Variants in ELP1 observed in about 807,000 individuals in gnomAD.
ELP1 encodes elongator complex protein 1.
A neutral mutation model predicts 183.2 loss-of-function variants in ELP1; 131 were observed. That is an observed-to-expected ratio of 0.72 (90% CI 0.62 to 0.83). The LOEUF is 0.83. ELP1 is among the 40% of genes least tolerant of loss of function. The pLI is 0.00. For missense variants in ELP1, 1,550 were observed against 1,594.9 expected (o/e 0.97, Z 0.48); for synonymous variants, 555 against 569.0 (o/e 0.98, Z 0.35).
Position 108,898,766 on chromosome 9 carries a change from A to AT in ELP1, c.2205-18_2205-17insA. Reference sequence around the variant, plus strand: ...AACATAAGTCTGTGAGAAGACAGAGAAAGAATAGAAAAGATATTCACAAAA... The same window carrying AT: ...AACATAAGTCTGTGAGAAGACAGAGATAAGAATAGAAAAGATATTCACAAAA... On this transcript the variant is annotated splice_polypyrimidine_tract_variant and intron_variant, in intron 20 of 36. Coordinates refer to ENST00000374647, the MANE Select transcript of ELP1 (RefSeq NM_003640.5). 6.4e-7 allele frequency: 1 copy of AT among 1,556,590 alleles called. No homozygotes were observed. The highest frequency in any genetic ancestry group is 8.8e-7 in the Non-Finnish European group (1 of 1,130,390).
intron 18 of ELP1, 60 bp from the exon 19 acceptor site, chr9:108,900,435 G>T: frequency 1.7e-6 from 2 of 1,185,750 alleles, no homozygotes; most frequent in South Asian, 1.2e-5. Context: ...TCCATTAACT[G>T]CAATTGAAAC....
intron 33 of ELP1, 105 bp from the exon 34 acceptor site, chr9:108,878,855 C>T (rs1827803903): frequency 2.5e-6 from 3 of 1,177,752 alleles, no homozygotes; most frequent in Non-Finnish European, 3.8e-6. Context: ...TGACCCCACA[C>T]AACTTCACAG....
Position 108,869,028 on chromosome 9 carries a change from G to T in ELP1, c.*87C>A. ...ATTTTACTCTTTCCAGTTCTCAATA[G>T]CCAGCCCTCAAAGAGCAAGGGGTGG... On this transcript the variant is annotated 3_prime_UTR_variant, in exon 37 of 37. Coordinates refer to ENST00000374647, the MANE Select transcript of ELP1 (RefSeq NM_003640.5). The T allele has an allele frequency of 1.8e-6, 2 of 1,130,580 alleles. No individual in the cohort carries two copies. The highest frequency in any genetic ancestry group is 2.7e-6 in the Non-Finnish European group (2 of 738,568). 70.0% of individuals were successfully genotyped at this position (1,130,580 alleles called of 1,614,324 possible). A position where few individuals can be genotyped will look rare whatever the true frequency, so the allele number is the denominator to read the frequency against.
chr9:108,891,842 G>C (rs1044663823), intron 27 of ELP1, among the ~76,000 whole-genome samples: 4 of 152,134 alleles, frequency 2.6e-5, no homozygotes, highest in African/African-American at 7.2e-5. Flanking sequence ...ATGGCTGTCA[G>C]GAGAATAAAC....
intron 5 of ELP1, among the ~76,000 whole-genome samples, chr9:108,924,288 A>G (rs1192778800): frequency 6.6e-6 from 1 of 152,216 alleles, no homozygotes; most frequent in Non-Finnish European, 1.5e-5. Context: ...AACACAGATC[A>G]TACAGCCTGC....
chr9:108,881,852 A>T, intron 30 of ELP1, 87 bp from the exon 31 acceptor site: 2 of 845,116 alleles, frequency 2.4e-6, no homozygotes, highest in Non-Finnish European at 4.0e-6. Context: ...GATTACTTTC[A>T]GAGGTAATCA....
In ELP1 at chr9:108,893,944, A is replaced by G. The variant is rs762459906; in HGVS notation, c.2859T>C (p.Cys953=). The change falls in exon 26 of 37, where the codon TGT becomes TGC. Residue 953 remains cysteine (C), a splice_region_variant and synonymous_variant. Coordinates refer to ENST00000374647, the MANE Select transcript of ELP1 (RefSeq NM_003640.5). ...AAACATACTAATCCCCACACTTACC[A>G]CATTTGCTGAGGTGGCCAATGGCTT... ...YEKAIGHLSK[C]GPEYFPECLN... is the part of the protein sequence containing the mutation. The G allele has an allele frequency of 6.2e-7, 1 of 1,613,728 alleles. No individual in the cohort carries two copies. Among genetic ancestry groups the G allele is most frequent in the East Asian group, 2.2e-5 (1 of 44,822 alleles).
At chr9:108,889,172 G>C (rs113615118) in intron 29 of ELP1, among the ~76,000 whole-genome samples, 160 bp downstream of exon 29, 20 of 152,190 alleles carry the variant, frequency 1.3e-4, no homozygotes, top group African/African-American at 4.8e-4. Flanking sequence ...ACTAAATTTA[G>C]ATTTCCAAGT....
intron 20 of ELP1, 133 bp downstream of exon 20, chr9:108,899,683 AGCCTCT>A: frequency 2.2e-5 from 14 of 645,896 alleles, no homozygotes; most frequent in African/African-American, 7.5e-5. Flanking sequence ...AAAAAAAAAG[AGCCTCT>A]AAGAATCTGA....
At chr9:108,915,233 G>GT (rs1380702983) in intron 10 of ELP1, among the ~76,000 whole-genome samples, 1 of 152,162 alleles carries the variant, frequency 6.6e-6, no homozygotes, top group African/African-American at 2.4e-5. Context: ...GGGAAAGCAC[G>GT]TGATGACTTA....
In ELP1 at chr9:108,881,603, G is replaced by C; in HGVS notation, c.3346+102C>G. 9.1e-6 allele frequency: 7 copies of C among 765,190 alleles called. No homozygotes were observed. The Admixed American group carries it at 1.1e-4, about 13-fold the overall frequency. The allele number at this position is 765,190 out of a possible 1,614,324, so 47.4% of individuals were successfully genotyped here. ...GTGGTAATTTTGATTGAGTCTACAT[G>C]ACATATTATTAAGAAAACACAGTAA... On this transcript the variant is annotated intron_variant, in intron 31 of 36. Transcript: ENST00000374647.
chr9:108,922,306 C>G (rs1829673675), intron 6 of ELP1, among the ~76,000 whole-genome samples: 1 of 152,214 alleles, frequency 6.6e-6, no homozygotes, highest in African/African-American at 2.4e-5. Flanking sequence ...TGTGTCCACA[C>G]ACCTCTGCCT....
At chr9:108,889,032 A>C (rs1828226169) in intron 29 of ELP1, among the ~76,000 whole-genome samples, 1 of 152,156 alleles carries the variant, frequency 6.6e-6, no homozygotes, top group Non-Finnish European at 1.5e-5. Context: ...CATTGTTTCT[A>C]CTTTGGCAAA....
chr9:108,892,782 C>T (rs565299140), intron 27 of ELP1, among the ~76,000 whole-genome samples: 2 of 152,244 alleles, frequency 1.3e-5, no homozygotes, highest in Admixed American at 6.5e-5. Context: ...GGGAACCCCA[C>T]GAGGAAGGTG....
intron 9 of ELP1, 103 bp from the exon 10 acceptor site, chr9:108,916,400 C>A: frequency 1.1e-6 from 1 of 903,126 alleles, no homozygotes; most frequent in Non-Finnish European, 1.8e-6. Context: ...ATCCCACTAC[C>A]TGAGCTCATC....
Position 108,906,288 on chromosome 9 carries a change from G to A in ELP1, c.1643+15C>T, listed in dbSNP as rs1829015055. 6.2e-7 allele frequency: 1 copy of A among 1,613,512 alleles called. No homozygotes were observed. The highest frequency in any genetic ancestry group is 8.5e-7 in the Non-Finnish European group (1 of 1,179,558). Reference sequence around the variant, plus strand: ...ATTTGCTTAACATGTGGAGTACAGGGAAAAACTGCAATACCTGACATTGAG... The same window carrying A: ...ATTTGCTTAACATGTGGAGTACAGGAAAAAACTGCAATACCTGACATTGAG... On this transcript the variant is annotated intron_variant, in intron 14 of 36. Coordinates refer to ENST00000374647, the MANE Select transcript of ELP1 (RefSeq NM_003640.5).
At chr9:108,882,083 C>A in intron 30 of ELP1, 42 bp downstream of exon 30, 2 of 1,555,004 alleles carry the variant, frequency 1.3e-6, no homozygotes, top group South Asian at 1.1e-5. Flanking sequence ...CTTGCTCTCT[C>A]TGCTTAGCAC....
chr9:108,874,296 C>T (rs180784075), intron 36 of ELP1, among the ~76,000 whole-genome samples: 42 of 152,250 alleles, frequency 2.8e-4, no homozygotes, highest in Non-Finnish European at 7.3e-5. Flanking sequence ...ATGTTTCTAA[C>T]CAACTTTCAA....
At chr9:108,892,311 G>C (rs1828372108) in intron 27 of ELP1, among the ~76,000 whole-genome samples, 9 of 152,216 alleles carry the variant, frequency 5.9e-5, no homozygotes. Flanking sequence ...GACATCTGTA[G>C]AACTACCTAC....
Sources: gnomAD v4.1 joint callset for allele counts (sites outside exome capture counted in the v4.1 genomes callset) on GRCh38, gnomAD v4.1.1 for gene constraint, MANE v1.5 for transcripts, NCBI Gene and HGNC (gene_info 2026-07-23, HGNC 2026-07-21) for gene names.